Variants in DZANK1 observed in about 807,000 individuals in gnomAD.
The protein encoded by DZANK1 is double zinc ribbon and ankyrin repeat domains 1.
A neutral mutation model predicts 94.5 loss-of-function variants in DZANK1; 91 were observed. The ratio of observed to expected loss-of-function variants is 0.96; its 90% CI spans 0.81 to 1.15. DZANK1 has a LOEUF of 1.15. Ranked by LOEUF, DZANK1 falls within the 50% of genes most tolerant of loss-of-function variation. The pLI is 0.00. For missense variants in DZANK1, 903 were observed against 916.4 expected (o/e 0.99, Z 0.19); for synonymous variants, 312 against 325.3 (o/e 0.96, Z 0.44).
chr20:18,406,887 G>A (rs1459330461), intron 13 of DZANK1, among the ~76,000 whole-genome samples: 1 of 152,200 alleles, frequency 6.6e-6, no homozygotes, highest in Middle Eastern at 3.2e-3. Flanking sequence ...TGGGCTTCAA[G>A]CAAACATTGG....
chr20:18,450,998 T>G (rs2059080415), intron 6 of DZANK1, among the ~76,000 whole-genome samples: 1 of 152,174 alleles, frequency 6.6e-6, no homozygotes, highest in South Asian at 2.1e-4. Flanking sequence ...AAGGCTAGAG[T>G]GCAATGACAC....
intron 3 of DZANK1, among the ~76,000 whole-genome samples, chr20:18,459,318 T>C (rs765344444): frequency 9.2e-5 from 14 of 152,256 alleles, no homozygotes; most frequent in South Asian, 2.1e-4. Context: ...TGTTTCATTT[T>C]ATTTGTTATA....
rs1056766963 is a variant in DZANK1, at chr20:18,427,166, A to G, written c.862-7T>C. On this transcript the variant is annotated splice_polypyrimidine_tract_variant and splice_region_variant and intron_variant, in intron 9 of 20. Coordinates refer to ENST00000262547, the Ensembl canonical transcript of DZANK1. ...CCCGGCAAATTACCTTCTCCTTAAC[A>G]ACAAAAAATAAGACATACATGTTCC... The G allele has an allele frequency of 1.2e-6, 2 of 1,608,380 alleles. 1 individual carries two copies. The highest frequency in any genetic ancestry group is 3.3e-5 in the Admixed American group (2 of 59,732).
At chr20:18,411,018 CAG>C (rs1271713003) in intron 13 of DZANK1, among the ~76,000 whole-genome samples, 2 of 152,150 alleles carry the variant, frequency 1.3e-5, no homozygotes, top group Non-Finnish European at 2.9e-5. Flanking sequence ...AAAGCTCAAA[CAG>C]AAATTTATAG....
chr20:18,411,218 T>C (rs976359495), intron 13 of DZANK1, among the ~76,000 whole-genome samples: 2 of 152,074 alleles, frequency 1.3e-5, no homozygotes, highest in Non-Finnish European at 2.9e-5. Flanking sequence ...AGTTGGTTCT[T>C]GGAAAAGATC....
At chr20:18,449,620 T>G (rs1159695360) in intron 6 of DZANK1, among the ~76,000 whole-genome samples, 1 of 151,096 alleles carries the variant, frequency 6.6e-6, no homozygotes, top group Non-Finnish European at 1.5e-5. Flanking sequence ...TAGCTGGGTG[T>G]GGTGGCGGGT....
chr20:18,406,368 A>AG (rs1270603215), intron 13 of DZANK1, among the ~76,000 whole-genome samples: 1 of 152,230 alleles, frequency 6.6e-6, no homozygotes, highest in Non-Finnish European at 1.5e-5. Flanking sequence ...CAGCCACAGT[A>AG]GGACAGGGCA....
chr20:18,422,868 G>A (rs6111949), intron 10 of DZANK1, among the ~76,000 whole-genome samples: 1 of 124,842 alleles, frequency 8.0e-6, no homozygotes, highest in Non-Finnish European at 1.7e-5. Context: ...CAAATTTTAA[G>A]ATTTTTTTCT....
rs141125313 is a variant in DZANK1 at position 18,462,131 on chromosome 20, T to C, written c.110-1825A>G. ...AGTAAAACTCACTAATTCATTACAA[T>C]GAATGTTTGCTGAATACCTATTATG... is the stretch of plus-strand genomic sequence containing the variant. On this transcript the variant is annotated intron_variant, in intron 2 of 20. Coordinates refer to ENST00000262547, the Ensembl canonical transcript of DZANK1. 2.5e-3 allele frequency among the ~76,000 whole-genome samples: 387 copies of C among 152,276 alleles called. 6 individuals are homozygous for C. The highest frequency in any genetic ancestry group is 0.021 in the Admixed American group (327 of 15,298).
At chr20:18,435,643 A>C (rs1054627106) in intron 8 of DZANK1, among the ~76,000 whole-genome samples, 7 of 152,228 alleles carry the variant, frequency 4.6e-5, no homozygotes, top group African/African-American at 1.4e-4. Context: ...TACCTAATGC[A>C]TGTGGGGCTT....
At chr20:18,440,630 CCT>C (rs2058688665) in intron 8 of DZANK1, among the ~76,000 whole-genome samples, 1 of 152,134 alleles carries the variant, frequency 6.6e-6, no homozygotes, top group African/African-American at 2.4e-5. Context: ...CCCACAACCC[CCT>C]GTGAGGAGAA....
intron 6 of DZANK1, 144 bp from the exon 7 acceptor site, chr20:18,449,213 T>C (rs975396032): frequency 1.5e-5 from 10 of 678,090 alleles, no homozygotes; most frequent in Non-Finnish European, 2.4e-5. Flanking sequence ...CACTATAGAC[T>C]CTAAAAGTGG....
chr20:18,448,695 C>T (rs1329214773), intron 7 of DZANK1, among the ~76,000 whole-genome samples: 1 of 151,848 alleles, frequency 6.6e-6, no homozygotes, highest in Non-Finnish European at 1.5e-5. Context: ...GGTAAAACCC[C>T]GTCTCTACTA....
intron 10 of DZANK1, among the ~76,000 whole-genome samples, chr20:18,418,052 C>T (rs575677363): frequency 2.0e-5 from 3 of 152,084 alleles, no homozygotes; most frequent in Non-Finnish European, 4.4e-5. Context: ...TGCCACTGTA[C>T]TCCAGCCTGG....
chr20:18,455,796 C>A (rs750390115), intron 3 of DZANK1, among the ~76,000 whole-genome samples: 6 of 152,194 alleles, frequency 3.9e-5, no homozygotes, highest in Admixed American at 6.5e-5. Flanking sequence ...ATCTCCATCC[C>A]TCTGTCCCTC....
At chr20:18,388,834 C>T (rs906342216) in intron 19 of DZANK1, among the ~76,000 whole-genome samples, 1 of 152,200 alleles carries the variant, frequency 6.6e-6, no homozygotes, top group Non-Finnish European at 1.5e-5. Flanking sequence ...AACACTAACA[C>T]TAGAGACAGT....
intron 2 of DZANK1, among the ~76,000 whole-genome samples, chr20:18,464,503 T>A (rs1242488649): frequency 2.0e-5 from 3 of 152,058 alleles, no homozygotes; most frequent in Admixed American, 2.0e-4. Context: ...TACAGTGAGG[T>A]AACAGACTCA....
rs879487237 is a variant in DZANK1, at chr20:18,440,064, A to ACC, written c.747+3282_747+3283insGG. Among the ~76,000 whole-genome samples the ACC allele has an allele frequency of 7.2e-5, 11 of 152,308 alleles. No individual in the cohort carries two copies. The East Asian group carries it at 2.1e-3, about 29-fold the overall frequency. ...GACACCAGGGTTGTGTACCCAGAGG[A>ACC]AAGGCCAAGTAAGGACACATCAGGA... is the stretch of plus-strand genomic sequence containing the variant. On this transcript the variant is annotated intron_variant, in intron 8 of 20. Transcript: ENST00000262547.
exon 21 of DZANK1, chr20:18,384,150 C>T (rs1455773397): frequency 1.0e-5 from 3 of 298,202 alleles, no homozygotes; most frequent in Non-Finnish European, 1.9e-5. Flanking sequence ...ACCTCTGCCT[C>T]CCGGGTTCAA....
Sources: allele counts gnomAD v4.1 joint callset (sites outside exome capture counted in the v4.1 genomes callset), GRCh38; gene constraint gnomAD v4.1.1; transcripts MANE v1.5; gene names NCBI Gene and HGNC (gene_info 2026-07-23, HGNC 2026-07-21).